UNC13B: variants seen among roughly 807,000 people sequenced by gnomAD.
The protein encoded by UNC13B is protein unc-13 homolog B.
In UNC13B, 144 loss-of-function variants were observed where a neutral mutation model predicts 211.0. The ratio of observed to expected loss-of-function variants is 0.68; its 90% CI spans 0.60 to 0.78. The LOEUF is 0.78. UNC13B is among the 30% of genes least tolerant of loss of function. UNC13B has a pLI of 0.00. For missense variants in UNC13B, 1,777 were observed against 2,002.0 expected (o/e 0.89, Z 2.14); for synonymous variants, 709 against 725.8 (o/e 0.98, Z 0.37).
intron 11 of UNC13B, among the ~76,000 whole-genome samples, chr9:35,322,608 GA>G (rs1184791859): frequency 3.9e-5 from 6 of 152,094 alleles, no homozygotes; most frequent in Non-Finnish European, 7.3e-5. Context: ...AGAACGAATC[GA>G]AACTCTTCTG....
At chr9:35,293,642 A>G (rs1020052094) in intron 7 of UNC13B, among the ~76,000 whole-genome samples, 7 of 152,046 alleles carry the variant, frequency 4.6e-5, no homozygotes, top group Non-Finnish European at 7.4e-5. Flanking sequence ...TCTGGGTCCT[A>G]TTTTTCTTGT....
At chr9:35,204,963 T>G (rs1823555708) in intron 1 of UNC13B, among the ~76,000 whole-genome samples, 1 of 152,186 alleles carries the variant, frequency 6.6e-6, no homozygotes, top group Non-Finnish European at 1.5e-5. Context: ...AATCTCATGT[T>G]GAATTGTAAT....
rs529885729 is a variant in UNC13B at position 35,384,167 on chromosome 9, G to A, written c.10807-79G>A. On this transcript the variant is annotated intron_variant, in intron 21 of 39. Coordinates refer to ENST00000635942, the MANE Select transcript of UNC13B (RefSeq NM_001371189.2). ...CGACTCTTTCTACTCATCCAGGGGT[G>A]GTTCTGTTTCTGTTATAGTTTAGGG... 7 of 1,595,462 alleles carry A rather than the reference G, an allele frequency of 4.4e-6. No homozygotes were observed. The East Asian group carries it at 1.6e-4, about 36-fold the overall frequency.
intron 7 of UNC13B, chr9:35,291,081 AT>A: frequency 6.4e-7 from 1 of 1,550,420 alleles, no homozygotes; most frequent in Non-Finnish European, 8.7e-7. Context: ...CACTGGACCT[AT>A]TTGGGCTGGG....
At chr9:35,260,038 CAAAAAAAAAAAAAA>C (rs61273217) in intron 7 of UNC13B, among the ~76,000 whole-genome samples, 1 of 64,802 alleles carries the variant, frequency 1.5e-5, no homozygotes, top group African/African-American at 6.9e-5. Context: ...CTCATTTCTA[CAAAAAAAAAAAAAA>C]AAAAAAAAAA....
chr9:35,211,173 A>G (rs1823946489), intron 1 of UNC13B, among the ~76,000 whole-genome samples: 1 of 152,258 alleles, frequency 6.6e-6, no homozygotes, highest in South Asian at 2.1e-4. Flanking sequence ...AGAATAAAGA[A>G]TATACGGTGA....
chr9:35,361,838 G>GA (rs1833434070), intron 11 of UNC13B: 1 of 152,200 alleles, frequency 6.6e-6, no homozygotes, highest in Non-Finnish European at 1.5e-5. Flanking sequence ...AAGTCTTAGG[G>GA]AATATGCCTG....
intron 1 of UNC13B, among the ~76,000 whole-genome samples, chr9:35,181,565 G>A (rs1298177794): frequency 6.6e-6 from 1 of 152,192 alleles, no homozygotes; most frequent in African/African-American, 2.4e-5. Context: ...GGCCAGGTGC[G>A]GTGGCTCATG....
At position 35,307,237 on chromosome 9, in the gene UNC13B, A is replaced by G. The variant is rs1829967982; in HGVS notation, c.7833A>G (p.Thr2611=). 1 of 398,764 alleles carries G rather than the reference A, an allele frequency of 2.5e-6. No individual in the cohort carries two copies. 24.7% of individuals were successfully genotyped at this position (398,764 alleles called of 1,614,324 possible). ...LEPQRSETIN[T]SSFSGDDTGQ... ...CTCAACGTTCTGAAACAATTAATAC[A>G]TCTTCTTTCTCGGGTGATGATACTG... Residue 2611 remains threonine, a synonymous_variant, in exon 9 of 40, where the codon ACA becomes ACG. Coordinates refer to ENST00000635942, the MANE Select transcript of UNC13B (RefSeq NM_001371189.2).
In UNC13B at chr9:35,301,660, G is replaced by A; in HGVS notation, c.2256G>A (p.Leu752=). The change falls in exon 9 of 40, where the codon TTG becomes TTA. Residue 752 remains leucine (L), a synonymous_variant. Coordinates refer to ENST00000635942, the MANE Select transcript of UNC13B (RefSeq NM_001371189.2). ...SSASKNDESL[L]EEKLCIDLSL... ...CAAGTAAAAATGATGAGAGTCTATT[G>A]GAAGAAAAACTCTGTATAGATCTGT... The A allele has an allele frequency of 2.5e-6, 1 of 398,756 alleles. No individual in the cohort carries two copies. Among genetic ancestry groups the A allele is most frequent in the Non-Finnish European group, 4.4e-6 (1 of 225,872 alleles). 24.7% of individuals were successfully genotyped at this position (398,756 alleles called of 1,614,324 possible).
chr9:35,279,923 C>G (rs1473808185), intron 7 of UNC13B, among the ~76,000 whole-genome samples: 2 of 152,108 alleles, frequency 1.3e-5, no homozygotes, highest in Non-Finnish European at 2.9e-5. Flanking sequence ...CACTGAGTCT[C>G]CTTTCTGCTT....
At chr9:35,339,075 G>A (rs1831832111) in intron 11 of UNC13B, among the ~76,000 whole-genome samples, 1 of 152,194 alleles carries the variant, frequency 6.6e-6, no homozygotes, top group Non-Finnish European at 1.5e-5. Context: ...GTGAGTGTCA[G>A]TGTATCATGT....
chr9:35,390,144 G>A (rs1474114891), intron 25 of UNC13B, among the ~76,000 whole-genome samples, 171 bp downstream of exon 25: 1 of 152,178 alleles, frequency 6.6e-6, no homozygotes, highest in African/African-American at 2.4e-5. Flanking sequence ...GGAGACAGGT[G>A]TGGAAACATA....
At chr9:35,199,112 G>A (rs1158154187) in intron 1 of UNC13B, among the ~76,000 whole-genome samples, 1 of 152,086 alleles carries the variant, frequency 6.6e-6, no homozygotes, top group Non-Finnish European at 1.5e-5. Flanking sequence ...CTGTCCTCGG[G>A]ATAGTTTGCT....
intron 8 of UNC13B, among the ~76,000 whole-genome samples, chr9:35,298,031 A>G (rs1829483808): frequency 6.6e-6 from 1 of 152,234 alleles, no homozygotes; most frequent in Non-Finnish European, 1.5e-5. Context: ...TGATATTAGC[A>G]TCCATTGATC....
At chr9:35,233,306 A>G (rs1473439219) in intron 3 of UNC13B, among the ~76,000 whole-genome samples, 2 of 152,120 alleles carry the variant, frequency 1.3e-5, no homozygotes, top group African/African-American at 4.8e-5. Flanking sequence ...CATAGCCAGC[A>G]TTATTCTTAT....
At chr9:35,175,788 G>A (rs1423698435) in intron 1 of UNC13B, among the ~76,000 whole-genome samples, 1 of 151,722 alleles carries the variant, frequency 6.6e-6, no homozygotes, top group Non-Finnish European at 1.5e-5. Context: ...AGGCCAAGGT[G>A]GGTGGATCAC....
intron 37 of UNC13B, among the ~76,000 whole-genome samples, chr9:35,400,841 G>A (rs1054119488): frequency 1.3e-5 from 2 of 152,196 alleles, no homozygotes; most frequent in South Asian, 4.1e-4. Context: ...TCTGGGGAGA[G>A]AAGGCAAAAG....
At chr9:35,245,015 C>A (rs779314839) in intron 6 of UNC13B, among the ~76,000 whole-genome samples, 1 of 152,136 alleles carries the variant, frequency 6.6e-6, no homozygotes, top group African/African-American at 2.4e-5. Flanking sequence ...AAGCTCCAGT[C>A]CTCTTTCTCC....
Sources: allele counts gnomAD v4.1 joint callset (sites outside exome capture counted in the v4.1 genomes callset), GRCh38; gene constraint gnomAD v4.1.1; transcripts MANE v1.5; gene names NCBI Gene and HGNC (gene_info 2026-07-23, HGNC 2026-07-21).